DENND5A: variants seen among roughly 807,000 people sequenced by gnomAD.
DENND5A encodes DENN domain-containing protein 5A.
DENND5A carries 64 observed loss-of-function variants against 140.3 expected under a neutral mutation model. The observed-to-expected ratio is 0.46, with a 90% CI of 0.37 to 0.56. The LOEUF (loss-of-function observed/expected upper bound fraction) is 0.56, where lower values mean the gene tolerates loss of function less well. Among genes scored for constraint, DENND5A ranks in the 20% least tolerant of loss-of-function variants. The pLI is 0.00. For missense variants in DENND5A, 1,292 were observed against 1,593.8 expected (o/e 0.81, Z 3.22); for synonymous variants, 605 against 607.7 (o/e 1.00, Z 0.07).
chr11:9,231,195 T>C (rs746102905), intron 1 of DENND5A, among the ~76,000 whole-genome samples: 25 of 152,168 alleles, frequency 1.6e-4, no homozygotes, highest in Admixed American at 4.6e-4. Flanking sequence ...ACAGGACACA[T>C]AAATGTGCTA....
rs753516279 is a variant in DENND5A at position 9,265,025 on chromosome 11, G to T, written c.45C>A (p.Phe15Leu). 1.3e-6 allele frequency: 2 copies of T among 1,573,732 alleles called. No homozygotes were observed. Among genetic ancestry groups the T allele is most frequent in the Non-Finnish European group, 1.7e-6 (2 of 1,163,270 alleles). The part of the protein sequence containing the change: ...GGGGGSAPSR[F>L]ADYFVICGLD... ...GTCCGCAGATGACAAAGTAGTCGGC[G>T]AAGCGACTGGGCGCCGAGCCCCCTC... is the stretch of plus-strand genomic sequence containing the variant. The change falls in exon 1 of 23, where the codon TTC (phenylalanine) becomes TTA (leucine). Residue 15 changes from phenylalanine (F) to leucine (L), a missense_variant. This residue lies in a region of DENND5A where 566 missense variants were observed against 650.4 expected (regional missense o/e 0.87). Coordinates refer to ENST00000328194, the MANE Select transcript of DENND5A (RefSeq NM_015213.4). This position sits in a 1 kb window ranked among gnomAD's most constrained non-coding sequence, Gnocchi z 4.7.
intron 1 of DENND5A, among the ~76,000 whole-genome samples, chr11:9,243,743 G>A (rs1426034181): frequency 6.6e-6 from 1 of 151,888 alleles, no homozygotes; most frequent in East Asian, 1.9e-4. Flanking sequence ...AAAATTAGCC[G>A]GGCGTGGTGG....
intron 1 of DENND5A, among the ~76,000 whole-genome samples, chr11:9,220,711 G>A (rs1850276563): frequency 6.6e-6 from 1 of 151,842 alleles, no homozygotes; most frequent in Non-Finnish European, 1.5e-5. Flanking sequence ...TGGCTAACAT[G>A]GCAAAACCCA....
At chr11:9,171,497 G>A (rs1044521726) in intron 8 of DENND5A, 12 of 152,090 alleles carry the variant, frequency 7.9e-5, no homozygotes, top group Non-Finnish European at 1.5e-5. Flanking sequence ...CCAGAACAAA[G>A]ACTGAGAATA....
chr11:9,264,319 G>C (rs1300407365), intron 1 of DENND5A, among the ~76,000 whole-genome samples: 15 of 152,038 alleles, frequency 9.9e-5, no homozygotes. Context: ...AAACGCCTCT[G>C]TCCTCATAAA....
At chr11:9,264,473 C>T (rs527412620) in intron 1 of DENND5A, among the ~76,000 whole-genome samples, 1 of 152,128 alleles carries the variant, frequency 6.6e-6, no homozygotes, top group Non-Finnish European at 1.5e-5. Context: ...TGCAATCTGA[C>T]TCAGGGGGCC....
chr11:9,200,336 A>G (rs1444655799), intron 4 of DENND5A, among the ~76,000 whole-genome samples: 1 of 152,218 alleles, frequency 6.6e-6, no homozygotes, highest in Non-Finnish European at 1.5e-5. Flanking sequence ...TCCAGCCAAG[A>G]AATAGCTAGG....
chr11:9,161,131 A>T (rs1847969563), intron 11 of DENND5A, among the ~76,000 whole-genome samples: 1 of 152,200 alleles, frequency 6.6e-6, no homozygotes, highest in Admixed American at 6.5e-5. Flanking sequence ...GCGGATCACA[A>T]GGTCAGGAGA....
At chr11:9,262,846 A>G (rs1254232582) in intron 1 of DENND5A, among the ~76,000 whole-genome samples, 2 of 151,788 alleles carry the variant, frequency 1.3e-5, no homozygotes, top group Non-Finnish European at 2.9e-5. Context: ...GGTTCACGCC[A>G]TTCTCCTGCC....
At chr11:9,225,766 A>ATCATCATCATCATCATTATC (rs1358772209) in intron 1 of DENND5A, among the ~76,000 whole-genome samples, 1 of 152,084 alleles carries the variant, frequency 6.6e-6, no homozygotes, top group African/African-American at 2.4e-5. Context: ...TGTCTCAAAA[A>ATCATCATCATCATCATTATC]ATATATATAA....
At position 9,264,975 on chromosome 11, in the gene DENND5A, G is replaced by A; in HGVS notation, c.95C>T (p.Pro32Leu). The A allele has an allele frequency of 6.3e-7, 1 of 1,584,954 alleles. No individual in the cohort carries two copies. The highest frequency in any genetic ancestry group is 8.6e-7 in the Non-Finnish European group (1 of 1,167,596). ...CGLDTETGLE[P>L]DELSALCQYI... Reference sequence around the variant, plus strand: ...CGCGCACTCACCCGACAGCTCGTCCGGCTCCAGCCCGGTCTCCGTGTCCAG... The same window carrying A: ...CGCGCACTCACCCGACAGCTCGTCCAGCTCCAGCCCGGTCTCCGTGTCCAG... The change falls in exon 1 of 23, where the codon CCG (proline) becomes CTG (leucine). Residue 32 changes from proline to leucine, a missense_variant. Physicochemically the swap from Pro to Leu is moderately conservative, Grantham distance 98. Around this residue, in one of 4 missense-constraint regions of DENND5A, gnomAD observed 566 missense variants for 650.4 expected, o/e 0.87. Coordinates refer to ENST00000328194, the MANE Select transcript of DENND5A (RefSeq NM_015213.4).
At chr11:9,163,372 T>C (rs1024787583) in intron 11 of DENND5A, among the ~76,000 whole-genome samples, 4 of 152,210 alleles carry the variant, frequency 2.6e-5, no homozygotes, top group African/African-American at 4.8e-5. Flanking sequence ...GTTACATTGA[T>C]TACTATATTT....
intron 1 of DENND5A, among the ~76,000 whole-genome samples, chr11:9,218,648 T>C (rs1259331235): frequency 6.6e-6 from 1 of 152,062 alleles, no homozygotes; most frequent in Non-Finnish European, 1.5e-5. Context: ...AGATGAAGGT[T>C]AGAGTGAGCT....
chr11:9,202,972 T>C (rs2136210219), intron 4 of DENND5A, among the ~76,000 whole-genome samples: 1 of 152,304 alleles, frequency 6.6e-6, no homozygotes, highest in East Asian at 1.9e-4. Flanking sequence ...TATATTTATT[T>C]AATCACCTCT....
At chr11:9,177,703 G>A (rs913449575) in intron 8 of DENND5A, among the ~76,000 whole-genome samples, 12 of 131,504 alleles carry the variant, frequency 9.1e-5, no homozygotes, top group Admixed American at 8.4e-5. Context: ...TAACCATGAG[G>A]CTTTCATTGA....
At chr11:9,141,887 A>ACAC in intron 22 of DENND5A, 53 bp downstream of exon 22, 1 of 1,494,400 alleles carries the variant, frequency 6.7e-7, no homozygotes, top group Non-Finnish European at 9.0e-7. Flanking sequence ...CAGGCCTCCA[A>ACAC]CACCACCACC....
At chr11:9,219,808 T>C (rs981573424) in intron 1 of DENND5A, among the ~76,000 whole-genome samples, 2 of 152,370 alleles carry the variant, frequency 1.3e-5, no homozygotes, top group Middle Eastern at 3.4e-3. Context: ...AGGTGTCCAT[T>C]ACAGGTCTTG....
At chr11:9,181,397 A>C (rs566248581) in intron 5 of DENND5A, among the ~76,000 whole-genome samples, 1 of 152,216 alleles carries the variant, frequency 6.6e-6, no homozygotes, top group Non-Finnish European at 1.5e-5. Flanking sequence ...ATAGATGTTT[A>C]GCATCAAACA....
intron 8 of DENND5A, chr11:9,175,822 T>G (rs1848529944): frequency 6.6e-6 from 1 of 152,164 alleles, no homozygotes. Flanking sequence ...TAACTTGAAA[T>G]GGATCAGAGA....
Sources: allele counts gnomAD v4.1 joint callset (sites outside exome capture counted in the v4.1 genomes callset), GRCh38; gene constraint gnomAD v4.1.1; regional missense constraint gnomAD v4.1.1; non-coding constraint Gnocchi (gnomAD v3.1); transcripts MANE v1.5; gene names NCBI Gene and HGNC (gene_info 2026-07-23, HGNC 2026-07-21).